Variants in NR3C2 observed in about 807,000 individuals in gnomAD.
NR3C2 encodes the protein mineralocorticoid receptor.
A neutral mutation model predicts 86.4 loss-of-function variants in NR3C2; 15 were observed. The ratio of observed to expected loss-of-function variants is 0.17; its 90% CI spans 0.12 to 0.27. The LOEUF is 0.27. Ranked by LOEUF, NR3C2 falls within the 10% of genes least tolerant of loss-of-function variation. NR3C2 has a pLI of 1.00. For missense variants in NR3C2, 960 were observed against 1,195.6 expected, an observed-to-expected ratio of 0.80 and a Z score of 2.91; for synonymous variants, 458 against 450.5, an observed-to-expected ratio of 1.02 and a Z score of -0.21.
rs569417347 is a variant in NR3C2 at position 148,195,461 on chromosome 4, G to A, written c.1898-599C>T. 1.2e-4 allele frequency among the ~76,000 whole-genome samples: 19 copies of A among 152,280 alleles called. 1 individual carries two copies. The highest frequency in any genetic ancestry group is 8.5e-4 in the Admixed American group (13 of 15,300). Reference sequence around the variant, plus strand: ...AAAATATTTACTAAACACCCACAGCGTACTAGGCACTACTAGAGGCACTAG... The same window carrying A: ...AAAATATTTACTAAACACCCACAGCATACTAGGCACTACTAGAGGCACTAG... On this transcript the variant is annotated intron_variant, in intron 3 of 8. Coordinates refer to ENST00000358102, the MANE Select transcript of NR3C2 (RefSeq NM_000901.5).
chr4:148,194,554 A>G (rs1736351854), intron 4 of NR3C2, among the ~76,000 whole-genome samples, 192 bp downstream of exon 4: 1 of 152,188 alleles, frequency 6.6e-6, no homozygotes, highest in African/African-American at 2.4e-5. Flanking sequence ...TAGCCATAAA[A>G]CATACCTCTT....
chr4:148,228,886 G>GGCAGGAAAGAAAGGCAAACTATCC (rs1240093683), intron 3 of NR3C2, among the ~76,000 whole-genome samples: 4 of 152,056 alleles, frequency 2.6e-5, no homozygotes, highest in South Asian at 2.1e-4. Context: ...CCAGACTGCC[G>GGCAGGAAAGAAAGGCAAACTATCC]GCAGGAAAGA....
chr4:148,351,025 CA>C (rs769831438), intron 2 of NR3C2, among the ~76,000 whole-genome samples: 26 of 152,080 alleles, frequency 1.7e-4, no homozygotes, highest in Non-Finnish European at 3.2e-4. Flanking sequence ...AATGGATTAC[CA>C]AAAAACCCTT....
intron 2 of NR3C2, among the ~76,000 whole-genome samples, chr4:148,422,414 A>T (rs1749327949): frequency 6.6e-6 from 1 of 151,864 alleles, no homozygotes; most frequent in African/African-American, 2.4e-5. Context: ...TTCCATTTCA[A>T]AAAAAAATAC....
At chr4:148,262,900 C>T (rs1740195839) in intron 2 of NR3C2, among the ~76,000 whole-genome samples, 1 of 152,144 alleles carries the variant, frequency 6.6e-6, no homozygotes, top group Admixed American at 6.5e-5. Flanking sequence ...ATCCACAGAA[C>T]ATATTCAGAT....
chr4:148,440,577 C>A (rs1560740397), intron 1 of NR3C2, among the ~76,000 whole-genome samples: 1 of 152,080 alleles, frequency 6.6e-6, no homozygotes, highest in Admixed American at 6.5e-5. Flanking sequence ...AGGACAAATG[C>A]AAAAAACATT....
intron 2 of NR3C2, among the ~76,000 whole-genome samples, chr4:148,377,812 T>C (rs571064837): frequency 6.6e-6 from 1 of 152,258 alleles, no homozygotes; most frequent in Non-Finnish European, 1.5e-5. Context: ...TTCTGTTCCT[T>C]GCCTTTGGTG....
At chr4:148,392,619 A>T (rs1240164134) in intron 2 of NR3C2, among the ~76,000 whole-genome samples, 2 of 152,186 alleles carry the variant, frequency 1.3e-5, no homozygotes, top group Non-Finnish European at 2.9e-5. Flanking sequence ...CTGAACAGAG[A>T]GAGAGAACTG....
chr4:148,184,277 C>T lies in NR3C2; in HGVS notation c.2014+10469G>A, dbSNP rs540995020. ...CAGCCTGGCCAACATGGTGAAACCC[C>T]AACTCTACTAAAAATACAAAAAAAA... On this transcript the variant is annotated intron_variant, in intron 4 of 8. Coordinates refer to ENST00000358102, the MANE Select transcript of NR3C2 (RefSeq NM_000901.5). Among the ~76,000 whole-genome samples the T allele has an allele frequency of 7.7e-3, 1,096 of 142,324 alleles. 7 individuals carry two copies. Among genetic ancestry groups the T allele is most frequent in the Non-Finnish European group, 0.012 (777 of 65,160 alleles). 93.4% of individuals were successfully genotyped at this position (142,324 alleles called of 152,430 possible).
intron 6 of NR3C2, among the ~76,000 whole-genome samples, chr4:148,135,392 G>A (rs1733251816): frequency 6.6e-6 from 1 of 152,126 alleles, no homozygotes; most frequent in Admixed American, 6.5e-5. Flanking sequence ...AGGACAAGGT[G>A]TTCTTTTCCT....
chr4:148,322,772 A>G (rs2149955923), intron 2 of NR3C2, among the ~76,000 whole-genome samples: 1 of 121,140 alleles, frequency 8.3e-6, no homozygotes, highest in South Asian at 3.3e-4. Flanking sequence ...TTCTAGTTAT[A>G]CATTCCTCTA....
At chr4:148,366,442 A>T (rs965129076) in intron 2 of NR3C2, among the ~76,000 whole-genome samples, 8 of 151,954 alleles carry the variant, frequency 5.3e-5, no homozygotes, top group Non-Finnish European at 8.8e-5. Context: ...ATACTTTTTT[A>T]AAAGTACTTT....
Position 148,081,401 on chromosome 4 carries a change from G to A in NR3C2, c.2898C>T (p.Asp966=), listed in dbSNP as rs1730551729. The change falls in exon 9 of 9, where the codon GAC becomes GAT. Residue 966 remains aspartate (D), a synonymous_variant. Transcript: ENST00000358102. ...FPAMLVEIIS[D]QLPKVESGNA... ...TCCCCGACTCCACCTTGGGCAGCTG[G>A]TCGCTGATGATCTCCACCAGCATTG... The A allele has an allele frequency of 5.6e-6, 9 of 1,614,040 alleles. No homozygotes were observed. The highest frequency in any genetic ancestry group is 7.6e-6 in the Non-Finnish European group (9 of 1,180,034).
intron 2 of NR3C2, among the ~76,000 whole-genome samples, chr4:148,385,256 T>C (rs963847919): frequency 2.0e-5 from 3 of 152,242 alleles, no homozygotes; most frequent in Admixed American, 1.3e-4. Flanking sequence ...CTATGCATCA[T>C]GTAGGTCATC....
At chr4:148,383,718 C>T (rs985538852) in intron 2 of NR3C2, among the ~76,000 whole-genome samples, 4 of 151,858 alleles carry the variant, frequency 2.6e-5, no homozygotes, top group Admixed American at 2.6e-4. Context: ...TTTGGGAGGC[C>T]GAGGGTGGAT....
chr4:148,414,498 T>C (rs998005957), intron 2 of NR3C2, among the ~76,000 whole-genome samples: 11 of 152,216 alleles, frequency 7.2e-5, no homozygotes, highest in African/African-American at 2.7e-4. Context: ...TGAAAATTCC[T>C]AACCACTGTC....
intron 5 of NR3C2, 75 bp downstream of exon 5, chr4:148,154,476 G>A: frequency 7.4e-7 from 1 of 1,348,712 alleles, no homozygotes; most frequent in Admixed American, 1.7e-5. Context: ...CTCCTGCATG[G>A]TTGGAGATGG....
chr4:148,309,923 A>G (rs765733161), intron 2 of NR3C2, among the ~76,000 whole-genome samples: 12 of 152,170 alleles, frequency 7.9e-5, no homozygotes, highest in Non-Finnish European at 2.9e-5. Context: ...GCACTTAATA[A>G]ACGATGGTGA....
At chr4:148,272,642 C>T (rs934336925) in intron 2 of NR3C2, among the ~76,000 whole-genome samples, 2 of 152,106 alleles carry the variant, frequency 1.3e-5, no homozygotes, top group African/African-American at 2.4e-5. Flanking sequence ...TACTTAAAAA[C>T]GATAACTGTT....
Sources: allele counts gnomAD v4.1 joint callset (sites outside exome capture counted in the v4.1 genomes callset), GRCh38; gene constraint gnomAD v4.1.1; transcripts MANE v1.5; gene names NCBI Gene and HGNC (gene_info 2026-07-23, HGNC 2026-07-21).